CLCN6: variants seen among roughly 807,000 people sequenced by gnomAD.
CLCN6 encodes the protein Cl-/H+ antiporter 6.
Under a neutral mutation model 109.8 loss-of-function variants are expected in CLCN6, and 70 were observed. The observed-to-expected ratio is 0.64, with a 90% CI of 0.53 to 0.78. The LOEUF (loss-of-function observed/expected upper bound fraction) is 0.78, where lower values mean the gene tolerates loss of function less well. Ranked by LOEUF, CLCN6 falls within the 30% of genes least tolerant of loss-of-function variation. CLCN6 has a pLI of 0.00. For missense variants in CLCN6, 984 were observed against 1,142.3 expected, an observed-to-expected ratio of 0.86 and a Z score of 2.00; for synonymous variants, 444 against 447.8, an observed-to-expected ratio of 0.99 and a Z score of 0.11.
At chr1:11,819,231 TC>T (rs145302823) in intron 4 of CLCN6, among the ~76,000 whole-genome samples, 5,642 of 152,320 alleles carry the variant, frequency 0.037, 154 homozygotes, top group Middle Eastern at 0.078. Context: ...TGCACCTGCT[TC>T]CCTCTTTGTT....
Position 11,833,678 on chromosome 1 carries a change from G to T in CLCN6, c.1372+40G>T, listed in dbSNP as rs545372779. 4.3e-6 allele frequency: 7 copies of T among 1,610,992 alleles called. No individual in the cohort carries two copies. In the African/African-American group the frequency reaches 5.3e-5, roughly 12 times the overall value. On this transcript the variant is annotated intron_variant, in intron 14 of 22. Transcript: ENST00000346436. Reference sequence around the variant, plus strand: ...TGCAGCCCAATCGTGGGTGATTGGTGTCATCTCGGACACAGCCAGGCTTGC... The same window carrying T: ...TGCAGCCCAATCGTGGGTGATTGGTTTCATCTCGGACACAGCCAGGCTTGC...
chr1:11,815,364 C>T (rs1644656474), intron 2 of CLCN6, among the ~76,000 whole-genome samples: 1 of 152,172 alleles, frequency 6.6e-6, no homozygotes, highest in South Asian at 2.1e-4. Context: ...TCTGGGGCTG[C>T]AGGGCTGCAG....
chr1:11,808,964 C>T (rs959512192), intron 2 of CLCN6, among the ~76,000 whole-genome samples: 10 of 151,816 alleles, frequency 6.6e-5, no homozygotes, highest in African/African-American at 1.9e-4. Context: ...TAGGTTCAAG[C>T]GGTTCTTCTG....
rs919210554 is a variant in CLCN6 at position 11,841,763 on chromosome 1, T to A, written c.*1540T>A. ...GGTCCAGATCTTGCGCTCAGCACAC[T>A]CTAGGGAATAATTCCACTCCAGAGA... On this transcript the variant is annotated 3_prime_UTR_variant, in exon 23 of 23. Coordinates refer to ENST00000346436, the MANE Select transcript of CLCN6 (RefSeq NM_001286.5). The A allele has an allele frequency of 6.6e-6, 1 of 152,254 alleles. No homozygotes were observed. The highest frequency in any genetic ancestry group is 2.4e-5 in the African/African-American group (1 of 41,452). The allele number at this position is 152,254 out of a possible 1,614,324, so 9.4% of individuals were successfully genotyped here.
At chr1:11,829,163 G>C (rs767972300) in intron 12 of CLCN6, 33 bp from the exon 13 acceptor site, 3 of 1,603,802 alleles carry the variant, frequency 1.9e-6, no homozygotes, top group Non-Finnish European at 2.6e-6. Context: ...GCTTCTTTCT[G>C]TGGCGTTGTA....
At chr1:11,831,651 G>T (rs1286853929) in intron 13 of CLCN6, among the ~76,000 whole-genome samples, 1 of 152,168 alleles carries the variant, frequency 6.6e-6, no homozygotes, top group Non-Finnish European at 1.5e-5. Context: ...TACAAAAAAC[G>T]ATTCTGTGGT....
rs1645001561 is a variant in CLCN6, at chr1:11,840,136, GCC to G, written c.2530-5_2530-4del. 6.2e-7 allele frequency: 1 copy of G among 1,613,500 alleles called. No homozygotes were observed. The highest frequency in any genetic ancestry group is 1.3e-5 in the African/African-American group (1 of 74,902). On this transcript the variant is annotated splice_polypyrimidine_tract_variant and splice_region_variant and intron_variant, in intron 22 of 22. Transcript: ENST00000346436. Reference sequence around the variant, plus strand: ...TGAAGGTGACTCAGGCCTTCTCTTTGCCCTAGATCGTGGGGATCATCACACGG... The same window carrying G: ...TGAAGGTGACTCAGGCCTTCTCTTTGCTAGATCGTGGGGATCATCACACGG...
intron 2 of CLCN6, among the ~76,000 whole-genome samples, chr1:11,812,322 A>G (rs1391254763): frequency 6.6e-6 from 1 of 152,222 alleles, no homozygotes; most frequent in Non-Finnish European, 1.5e-5. Context: ...GGAACGTGGG[A>G]GGGGGCACGG....
chr1:11,827,676 G>T (rs1644830943), intron 10 of CLCN6, among the ~76,000 whole-genome samples: 1 of 143,758 alleles, frequency 7.0e-6, no homozygotes. Flanking sequence ...AAAGTGTTGG[G>T]ATTACAGGCG....
At chr1:11,814,055 T>G (rs1356623548) in intron 2 of CLCN6, among the ~76,000 whole-genome samples, 1 of 152,176 alleles carries the variant, frequency 6.6e-6, no homozygotes, top group Non-Finnish European at 1.5e-5. Flanking sequence ...AAAAAAGAAT[T>G]TGGACTAACT....
Position 11,823,808 on chromosome 1 carries a change from T to A in CLCN6, c.555T>A (p.Leu185=), listed in dbSNP as rs746411310. ...TCCGGACCCTGCTCTGCAAGGTCCT[T>A]GGAGTGCTGTTCAGTGTGGCTGGAG... ...VRLRTLLCKV[L]GVLFSVAGGL... The change falls in exon 7 of 23, where the codon CTT becomes CTA. Residue 185 remains leucine, a synonymous_variant. Transcript: ENST00000346436. The A allele has an allele frequency of 1.2e-6, 2 of 1,614,246 alleles. No individual in the cohort carries two copies. The highest frequency in any genetic ancestry group is 2.2e-5 in the South Asian group (2 of 91,086).
intron 4 of CLCN6, among the ~76,000 whole-genome samples, chr1:11,817,379 A>G (rs992063258): frequency 6.6e-6 from 1 of 152,204 alleles, no homozygotes; most frequent in Non-Finnish European, 1.5e-5. Flanking sequence ...TTATGGTGCT[A>G]TCCTGGGCTC....
At position 11,815,891 on chromosome 1, in the gene CLCN6, T is replaced by C. The variant is rs1644663139; in HGVS notation, c.193T>C (p.Leu65=). 6.2e-7 allele frequency: 1 copy of C among 1,613,408 alleles called. No homozygotes were observed. Among genetic ancestry groups the C allele is most frequent in the South Asian group, 1.1e-5 (1 of 91,076 alleles). Residue 65 remains leucine (L), a synonymous_variant, in exon 3 of 23, where the codon TTG becomes CTG. Transcript: ENST00000346436. ...TATCAATGACCCTTACCTGGAAGTT[T>C]TGGAGACCATGGATAATAAGGTGGG... ...RCINDPYLEV[L]ETMDNKKGRR...
intron 11 of CLCN6, 106 bp downstream of exon 11, chr1:11,828,325 G>C (rs879439807): frequency 1.2e-5 from 17 of 1,425,818 alleles, no homozygotes; most frequent in Non-Finnish European, 1.7e-5. Context: ...CAACTTCCAG[G>C]GACACATCTC....
At position 11,838,394 on chromosome 1, in the gene CLCN6, C is replaced by T. The variant is rs139285483; in HGVS notation, c.2355C>T (p.Pro785=). Residue 785 remains proline, a synonymous_variant, in exon 21 of 23, where the codon CCC becomes CCT. Transcript: ENST00000346436. ...AEMAEDYPRY[P]DIHDLDLTLL... ...TGGCCGAGGACTACCCGCGGTACCC[C>T]GACATCCACGACCTGGACCTGACGC... The T allele has an allele frequency of 2.1e-5, 34 of 1,613,970 alleles. No individual in the cohort carries two copies. Among genetic ancestry groups the T allele is most frequent in the African/African-American group, 8.0e-5 (6 of 74,952 alleles).
chr1:11,815,783 T>G (rs1644661787), intron 2 of CLCN6, 63 bp from the exon 3 acceptor site: 1 of 1,281,958 alleles, frequency 7.8e-7, no homozygotes, highest in Admixed American at 1.7e-5. Context: ...AACCCAGAGG[T>G]TTGTCCCTTT....
At position 11,834,233 on chromosome 1, in the gene CLCN6, T is replaced by A; in HGVS notation, c.1527-3T>A. Reference sequence around the variant, plus strand: ...CCATGTTCTCGGTGTTTTCCTTCACTAGCTACATTGGATTGGGCCACATCT... The same window carrying A: ...CCATGTTCTCGGTGTTTTCCTTCACAAGCTACATTGGATTGGGCCACATCT... On this transcript the variant is annotated splice_polypyrimidine_tract_variant and splice_region_variant and intron_variant, in intron 15 of 22. Transcript: ENST00000346436. This position sits in a 1 kb window ranked among gnomAD's most constrained non-coding sequence, Gnocchi z 4.5. The A allele has an allele frequency of 6.2e-7, 1 of 1,610,380 alleles. No homozygotes were observed. The highest frequency in any genetic ancestry group is 1.7e-5 in the Admixed American group (1 of 59,204).
At chr1:11,820,136 G>A (rs1644722903) in intron 5 of CLCN6, among the ~76,000 whole-genome samples, 1 of 152,170 alleles carries the variant, frequency 6.6e-6, no homozygotes, top group South Asian at 2.1e-4. Flanking sequence ...ATCAGTGAGG[G>A]AGTGATGAAT....
chr1:11,836,205 C>A, intron 18 of CLCN6, 52 bp downstream of exon 18: 1 of 1,536,246 alleles, frequency 6.5e-7, no homozygotes, highest in Non-Finnish European at 8.8e-7. Context: ...GCGGTCCCGT[C>A]TCACACGGCT....
Sources: allele counts gnomAD v4.1 joint callset (sites outside exome capture counted in the v4.1 genomes callset), GRCh38; gene constraint gnomAD v4.1.1; non-coding constraint Gnocchi (gnomAD v3.1); transcripts MANE v1.5; gene names NCBI Gene and HGNC (gene_info 2026-07-23, HGNC 2026-07-21).